The following TENM2 variants were observed in gnomAD, a reference collection of about 807,000 sequenced individuals.
TENM2 encodes the protein teneurin transmembrane protein 2.
Under a neutral mutation model 245.2 loss-of-function variants are expected in TENM2, and 52 were observed. The ratio of observed to expected loss-of-function variants is 0.21; its 90% CI spans 0.17 to 0.27. TENM2 has a LOEUF of 0.27. Ranked by LOEUF, TENM2 falls within the 10% of genes least tolerant of loss-of-function variation. TENM2 has a pLI of 1.00. For synonymous variants in TENM2, 1,363 were observed against 1,438.9 expected (o/e 0.95, Z 1.19); for missense variants, 3,046 against 3,666.8 (o/e 0.83, Z 4.37).
At chr5:167,546,456 T>G (rs1472918270) in intron 2 of TENM2, among the ~76,000 whole-genome samples, 1 of 152,186 alleles carries the variant, frequency 6.6e-6, no homozygotes, top group African/African-American at 2.4e-5. Flanking sequence ...AAGGAAATCT[T>G]TAATCAAGAA....
intron 2 of TENM2, among the ~76,000 whole-genome samples, chr5:167,424,029 A>T (rs1478439499): frequency 1.3e-5 from 2 of 152,138 alleles, no homozygotes; most frequent in African/African-American, 4.8e-5. Flanking sequence ...GTCAACTGAA[A>T]CTATTTCTTT....
intron 2 of TENM2, among the ~76,000 whole-genome samples, chr5:167,568,621 T>G (rs940256100): frequency 2.0e-5 from 3 of 150,984 alleles, no homozygotes; most frequent in African/African-American, 7.3e-5. Flanking sequence ...TGTTTTTCAT[T>G]TGTGCACAGA....
intron 2 of TENM2, among the ~76,000 whole-genome samples, chr5:167,407,901 C>T (rs1395095351): frequency 1.3e-5 from 2 of 152,154 alleles, no homozygotes; most frequent in African/African-American, 2.4e-5. Flanking sequence ...ATGGACCTTC[C>T]TCCTAGAAAG....
the TENM2 span, among the ~76,000 whole-genome samples, chr5:167,203,165 C>G: frequency 6.6e-6 from 1 of 152,292 alleles, no homozygotes; most frequent in Admixed American, 6.5e-5. Flanking sequence ...TCTCATTTCT[C>G]TACTTGAAAT....
chr5:168,120,626 C>T (rs1228016069), intron 10 of TENM2, among the ~76,000 whole-genome samples: 3 of 152,222 alleles, frequency 2.0e-5, no homozygotes, highest in Non-Finnish European at 2.9e-5. Context: ...TCCAACCAAA[C>T]AAGCCACGTG....
intron 2 of TENM2, among the ~76,000 whole-genome samples, chr5:167,405,765 C>CACAA (rs1554145953): frequency 8.7e-6 from 1 of 114,304 alleles, no homozygotes; most frequent in African/African-American, 3.8e-5. Flanking sequence ...AACACACACA[C>CACAA]ACAAACACAC....
chr5:167,040,688 T>G, the TENM2 span, among the ~76,000 whole-genome samples: 1 of 152,300 alleles, frequency 6.6e-6, no homozygotes, highest in South Asian at 2.1e-4. Context: ...AAGGGAAAAA[T>G]ATATTTCCAT....
the TENM2 span, among the ~76,000 whole-genome samples, chr5:167,246,994 C>T: frequency 6.6e-6 from 1 of 151,966 alleles, no homozygotes; most frequent in African/African-American, 2.4e-5. Context: ...AAATACTTGT[C>T]CCTAACTTAA....
At chr5:167,230,496 T>A in the TENM2 span, among the ~76,000 whole-genome samples, 3 of 152,086 alleles carry the variant, frequency 2.0e-5, no homozygotes, top group Non-Finnish European at 4.4e-5. Context: ...GTGGAGGAGG[T>A]GAGTAAGAGA....
the TENM2 span, among the ~76,000 whole-genome samples, chr5:167,178,844 G>A: frequency 1.3e-5 from 2 of 152,098 alleles, no homozygotes; most frequent in African/African-American, 4.8e-5. Flanking sequence ...TCCACTTAAA[G>A]CAGAAATAGT....
rs1007472429 is a variant in TENM2, at chr5:168,019,753, C to T, written c.1186+26571C>T. ...AAAGATGCACTTCCTAAGTTATTTT[C>T]ATGCATGTAATGAAAAAATTAGAAG... On this transcript the variant is annotated intron_variant, in intron 5 of 28. Coordinates refer to ENST00000518659, the Ensembl canonical transcript of TENM2. Among the ~76,000 whole-genome samples the T allele has an allele frequency of 2.6e-5, 4 of 152,214 alleles. No individual in the cohort carries two copies. In the East Asian group the frequency reaches 7.7e-4, roughly 29 times the overall value.
chr5:167,011,731 T>C, the TENM2 span, among the ~76,000 whole-genome samples: 1 of 152,202 alleles, frequency 6.6e-6, no homozygotes, highest in Non-Finnish European at 1.5e-5. Flanking sequence ...TATTTAGGAA[T>C]TGAGAGTTAT....
the TENM2 span, among the ~76,000 whole-genome samples, chr5:167,157,296 G>T: frequency 1.3e-5 from 2 of 152,318 alleles, no homozygotes; most frequent in Non-Finnish European, 2.9e-5. Flanking sequence ...AAAGTGAAAT[G>T]AAGGTGGTTT....
chr5:168,089,609 A>G (rs1792749554), intron 7 of TENM2, among the ~76,000 whole-genome samples: 1 of 152,206 alleles, frequency 6.6e-6, no homozygotes, highest in Non-Finnish European at 1.5e-5. Context: ...ATCCAAGGCT[A>G]GGCACTATAA....
chr5:167,847,426 A>AT (rs1321171719), intron 2 of TENM2, among the ~76,000 whole-genome samples: 1 of 152,076 alleles, frequency 6.6e-6, no homozygotes, highest in African/African-American at 2.4e-5. Context: ...ACCCAAACTC[A>AT]TTTTTTCTAT....
the TENM2 span, among the ~76,000 whole-genome samples, chr5:167,071,683 T>G: frequency 6.6e-6 from 1 of 152,170 alleles, no homozygotes; most frequent in Non-Finnish European, 1.5e-5. Context: ...CTTGGTTGTG[T>G]GCCAGAAGCA....
At chr5:167,972,291 T>C (rs1781850118) in intron 4 of TENM2, among the ~76,000 whole-genome samples, 1 of 152,222 alleles carries the variant, frequency 6.6e-6, no homozygotes, top group South Asian at 2.1e-4. Flanking sequence ...CATGTATATT[T>C]TAAGTTTAAT....
At chr5:168,124,533 T>C (rs1018133268) in intron 10 of TENM2, among the ~76,000 whole-genome samples, 1 of 152,240 alleles carries the variant, frequency 6.6e-6, no homozygotes, top group Non-Finnish European at 1.5e-5. Flanking sequence ...TCCTAATCTT[T>C]ATAAGCACAA....
chr5:167,772,603 A>G (rs1174096061), intron 2 of TENM2, among the ~76,000 whole-genome samples: 1 of 151,194 alleles, frequency 6.6e-6, no homozygotes, highest in African/African-American at 2.4e-5. Context: ...TTTGAATAAA[A>G]CACTTACCAA....
Sources: allele counts gnomAD v4.1 joint callset (sites outside exome capture counted in the v4.1 genomes callset), GRCh38; gene constraint gnomAD v4.1.1; transcripts MANE v1.5; gene names NCBI Gene and HGNC (gene_info 2026-07-23, HGNC 2026-07-21).